Variants in COLGALT2 observed in about 807,000 individuals in gnomAD.
COLGALT2 encodes procollagen galactosyltransferase 2.
COLGALT2 carries 49 observed loss-of-function variants against 73.4 expected under a neutral mutation model. That is an observed-to-expected ratio of 0.67 (90% CI 0.53 to 0.85). COLGALT2 has a LOEUF of 0.85. Ranked by LOEUF, COLGALT2 falls within the 40% of genes least tolerant of loss-of-function variation. The pLI is 0.00. For synonymous variants in COLGALT2, 295 were observed against 307.6 expected, an observed-to-expected ratio of 0.96 and a Z score of 0.43; for missense variants, 722 against 790.2, an observed-to-expected ratio of 0.91 and a Z score of 1.03.
chr1:183,943,491 A>G (rs1342863107), intron 10 of COLGALT2, among the ~76,000 whole-genome samples: 1 of 152,072 alleles, frequency 6.6e-6, no homozygotes, highest in African/African-American at 2.4e-5. Context: ...AGAGGAAGGG[A>G]GAGAGGGAGA....
At chr1:183,986,777 C>T (rs74130497) in intron 1 of COLGALT2, among the ~76,000 whole-genome samples, 4,451 of 152,140 alleles carry the variant, frequency 0.029, 224 homozygotes, top group African/African-American at 0.1. Context: ...ATCTTTATTT[C>T]CCCTGTTATA....
At chr1:183,952,003 T>C (rs541565518) in intron 7 of COLGALT2, among the ~76,000 whole-genome samples, 10 of 152,196 alleles carry the variant, frequency 6.6e-5, no homozygotes, top group African/African-American at 2.4e-4. Flanking sequence ...AGACAACACG[T>C]AGACCATGGA....
intron 1 of COLGALT2, among the ~76,000 whole-genome samples, chr1:184,006,581 T>C (rs553173894): frequency 6.8e-6 from 1 of 146,594 alleles, no homozygotes; most frequent in African/African-American, 2.5e-5. Context: ...CGAAACTCCA[T>C]CTCAAAAAAC....
At position 184,037,374 on chromosome 1, in the gene COLGALT2, G is replaced by A; in HGVS notation, c.-17C>T. 7.2e-7 allele frequency: 1 copy of A among 1,397,664 alleles called. No individual in the cohort carries two copies. The highest frequency in any genetic ancestry group is 1.6e-5 in the South Asian group (1 of 63,528). 86.6% of individuals were successfully genotyped at this position (1,397,664 alleles called of 1,614,324 possible). A position where few individuals can be genotyped will look rare whatever the true frequency, so the allele number is the denominator to read the frequency against. Reference sequence around the variant, plus strand: ...CGCAGCCATGTTCCGGGCCGAGGCGGGCGGCGGGGAAGTCCTGGCGCGAGC... The same window carrying A: ...CGCAGCCATGTTCCGGGCCGAGGCGAGCGGCGGGGAAGTCCTGGCGCGAGC... On this transcript the variant is annotated 5_prime_UTR_variant, in exon 1 of 12. Transcript: ENST00000361927.
chr1:183,955,240 C>T (rs764985311), intron 6 of COLGALT2, among the ~76,000 whole-genome samples: 29 of 152,268 alleles, frequency 1.9e-4, no homozygotes, highest in Non-Finnish European at 3.7e-4. Context: ...AGAAGTGTAT[C>T]TGTGTTATAA....
chr1:183,962,154 C>CTTTTTTTTTTTTTTTTTT (rs34873073), intron 6 of COLGALT2, among the ~76,000 whole-genome samples: 13 of 85,534 alleles, frequency 1.5e-4, no homozygotes, highest in African/African-American at 2.5e-4. Flanking sequence ...TTTTCTCTTT[C>CTTTTTTTTTTTTTTTTTT]TTTTTTTTTT....
chr1:183,981,503 AAC>A (rs1350537568), intron 1 of COLGALT2, among the ~76,000 whole-genome samples: 6 of 151,166 alleles, frequency 4.0e-5, no homozygotes, highest in African/African-American at 1.2e-4. Context: ...AAAAAAAAAA[AAC>A]ATTAGCTGGG....
At chr1:184,005,743 C>T (rs1672055384) in intron 1 of COLGALT2, among the ~76,000 whole-genome samples, 1 of 152,168 alleles carries the variant, frequency 6.6e-6, no homozygotes, top group African/African-American at 2.4e-5. Flanking sequence ...CAGGAGACAC[C>T]TCAGCCCTGG....
Position 183,936,863 on chromosome 1 carries a change from C to G in COLGALT2, c.*1898G>C. 8.1e-7 allele frequency: 1 copy of G among 1,231,772 alleles called. No individual in the cohort carries two copies. The highest frequency in any genetic ancestry group is 1.0e-6 in the Non-Finnish European group (1 of 988,038). 76.3% of individuals were successfully genotyped at this position (1,231,772 alleles called of 1,614,324 possible). Reference sequence around the variant, plus strand: ...GCTGGTCAGTGTAGAAGGGTACCCACAGTGAGTCGGGAAGGAAGGCCGAGG... The same window carrying G: ...GCTGGTCAGTGTAGAAGGGTACCCAGAGTGAGTCGGGAAGGAAGGCCGAGG... On this transcript the variant is annotated 3_prime_UTR_variant, in exon 12 of 12. Coordinates refer to ENST00000361927, the MANE Select transcript of COLGALT2 (RefSeq NM_015101.4).
At chr1:183,993,751 T>C (rs578141317) in intron 1 of COLGALT2, among the ~76,000 whole-genome samples, 2 of 152,228 alleles carry the variant, frequency 1.3e-5, no homozygotes, top group Non-Finnish European at 2.9e-5. Flanking sequence ...AATTTCCTAA[T>C]TTTTCAATTG....
chr1:184,023,643 T>TTG (rs1390153440), intron 1 of COLGALT2, among the ~76,000 whole-genome samples: 6 of 133,048 alleles, frequency 4.5e-5, no homozygotes, highest in African/African-American at 1.6e-4. Flanking sequence ...GTGCGTGAGG[T>TTG]GGGGGGGGGG....
chr1:183,975,042 T>G, intron 3 of COLGALT2, 55 bp downstream of exon 3: 1 of 1,280,856 alleles, frequency 7.8e-7, no homozygotes, highest in Non-Finnish European at 1.1e-6. Context: ...TTTGGACGAC[T>G]GATTTGGATA....
chr1:183,975,274 A>G lies in COLGALT2; in HGVS notation c.375-60T>C, dbSNP rs1442680179. 4 of 994,140 alleles carry G rather than the reference A, an allele frequency of 4.0e-6. No individual in the cohort carries two copies. The African/African-American group carries it at 6.4e-5, about 16-fold the overall frequency. The allele number at this position is 994,140 out of a possible 1,614,324, so 61.6% of individuals were successfully genotyped here. ...GCCTACATGTACCAGGCTCTGTCCT[A>G]AATGTTTATATGTATTCATTTAATC... On this transcript the variant is annotated intron_variant, in intron 2 of 11. Transcript: ENST00000361927.
intron 1 of COLGALT2, among the ~76,000 whole-genome samples, chr1:184,006,798 C>G (rs1237711955): frequency 1.3e-5 from 2 of 152,028 alleles, no homozygotes; most frequent in East Asian, 1.9e-4. Context: ...TTTAAACAAC[C>G]CATATACAAG....
At chr1:183,942,106 G>A (rs1486212201) in intron 10 of COLGALT2, among the ~76,000 whole-genome samples, 1 of 151,990 alleles carries the variant, frequency 6.6e-6, no homozygotes, top group Non-Finnish European at 1.5e-5. Context: ...CCGCCACCAT[G>A]CCCGGCTAAT....
At position 183,969,431 on chromosome 1, in the gene COLGALT2, A is replaced by G. The variant is rs200071236; in HGVS notation, c.670T>C (p.Trp224Arg). Reference sequence around the variant, plus strand: ...ACGGGGAAGCAGCCTGTCCTCTTCCATTCTCGAATCTGAACGTAGTCTGGG... The same window carrying G: ...ACGGGGAAGCAGCCTGTCCTCTTCCGTTCTCGAATCTGAACGTAGTCTGGG... ...RTPDYVQIRE[W>R]KRTGCFPVPM... is the part of the protein sequence containing the mutation. The change falls in exon 5 of 12, where the codon TGG becomes CGG. Residue 224 changes from tryptophan (W) to arginine (R), a missense_variant. Transcript: ENST00000361927. 130 of 1,613,458 alleles carry G rather than the reference A, an allele frequency of 8.1e-5. 1 individual carries two copies. In the Middle Eastern group the frequency reaches 8.2e-4, roughly 10 times the overall value.
intron 6 of COLGALT2, among the ~76,000 whole-genome samples, chr1:183,955,913 G>A (rs1331070398): frequency 6.6e-6 from 1 of 152,146 alleles, no homozygotes; most frequent in Non-Finnish European, 1.5e-5. Flanking sequence ...GACTTTCTGG[G>A]GAAAGTTTAT....
intron 6 of COLGALT2, among the ~76,000 whole-genome samples, chr1:183,956,482 G>A (rs1670558655): frequency 6.6e-6 from 1 of 152,170 alleles, no homozygotes; most frequent in Non-Finnish European, 1.5e-5. Context: ...CAGGTACACG[G>A]TTAGGTTTTT....
chr1:183,978,813 T>A (rs1234353156), intron 1 of COLGALT2, among the ~76,000 whole-genome samples: 1 of 152,170 alleles, frequency 6.6e-6, no homozygotes, highest in Non-Finnish European at 1.5e-5. Context: ...AGTGTAAGCA[T>A]AAAATGAATT....
Sources: gnomAD v4.1 joint callset for allele counts (sites outside exome capture counted in the v4.1 genomes callset) on GRCh38, gnomAD v4.1.1 for gene constraint, MANE v1.5 for transcripts, NCBI Gene and HGNC (gene_info 2026-07-23, HGNC 2026-07-21) for gene names.